LRP1B: variants seen among roughly 807,000 people sequenced by gnomAD.
LRP1B encodes low-density lipoprotein receptor-related protein 1B.
Under a neutral mutation model 556.6 loss-of-function variants are expected in LRP1B, and 217 were observed. The ratio of observed to expected loss-of-function variants is 0.39; its 90% CI spans 0.35 to 0.44. The LOEUF is 0.44. Ranked by LOEUF, LRP1B falls within the 20% of genes least tolerant of loss-of-function variation. The probability of loss-of-function intolerance (pLI) is 1.00; values close to 1 mark genes in which losing one functional copy is unlikely to be tolerated. For synonymous variants in LRP1B, 2,047 were observed against 1,865.8 expected (o/e 1.10, Z -2.50); for missense variants, 5,053 against 5,620.8 (o/e 0.90, Z 3.23).
At chr2:140,834,573 C>T (rs1370607392) in intron 31 of LRP1B, among the ~76,000 whole-genome samples, 1 of 152,140 alleles carries the variant, frequency 6.6e-6, no homozygotes, top group Non-Finnish European at 1.5e-5. Context: ...TTGCTCTTTC[C>T]TCTCTTAGAT....
chr2:140,572,993 G>T (rs2105111369), intron 43 of LRP1B, among the ~76,000 whole-genome samples: 1 of 151,780 alleles, frequency 6.6e-6, no homozygotes, highest in Non-Finnish European at 1.5e-5. Flanking sequence ...GGTTACTAGA[G>T]GGTGGCAGAA....
chr2:141,790,796 C>T (rs1010121976), intron 2 of LRP1B, among the ~76,000 whole-genome samples: 15 of 151,674 alleles, frequency 9.9e-5, no homozygotes, highest in Admixed American at 6.6e-4. Context: ...TACAAATAGA[C>T]GTTAAAGTTA....
intron 1 of LRP1B, among the ~76,000 whole-genome samples, chr2:141,998,043 T>G (rs1702548810): frequency 6.6e-6 from 1 of 152,144 alleles, no homozygotes; most frequent in South Asian, 2.1e-4. Context: ...GGGTGCAGTT[T>G]AAACATATAG....
chr2:140,713,650 T>C (rs1041214456), intron 37 of LRP1B, among the ~76,000 whole-genome samples: 7 of 152,046 alleles, frequency 4.6e-5, no homozygotes, highest in African/African-American at 7.2e-5. Context: ...TAAAAATATA[T>C]AGGGAGTCCT....
chr2:141,504,731 C>A (rs1234239405), intron 2 of LRP1B, among the ~76,000 whole-genome samples: 1 of 152,056 alleles, frequency 6.6e-6, no homozygotes, highest in Non-Finnish European at 1.5e-5. Flanking sequence ...ATGTCTTAAA[C>A]CTGTGTAAGG....
chr2:140,490,315 G>C (rs1688646445), intron 57 of LRP1B, among the ~76,000 whole-genome samples: 1 of 152,092 alleles, frequency 6.6e-6, no homozygotes, highest in South Asian at 2.1e-4. Flanking sequence ...CTGAAGTACA[G>C]TTTCTAAATA....
chr2:142,065,944 G>A (rs564568357), intron 1 of LRP1B, among the ~76,000 whole-genome samples: 1 of 151,320 alleles, frequency 6.6e-6, no homozygotes, highest in South Asian at 2.1e-4. Context: ...CTCTCCATCT[G>A]TGGGTTCATG....
At chr2:141,101,765 C>T (rs1307371968) in intron 7 of LRP1B, among the ~76,000 whole-genome samples, 1 of 151,980 alleles carries the variant, frequency 6.6e-6, no homozygotes, top group Admixed American at 6.6e-5. Flanking sequence ...TTCTGTAAAC[C>T]CACGGCATTA....
chr2:140,760,594 C>T (rs1301372795), intron 35 of LRP1B, among the ~76,000 whole-genome samples: 2 of 152,180 alleles, frequency 1.3e-5, no homozygotes, highest in African/African-American at 4.8e-5. Context: ...TGCTGTGAAA[C>T]ACCCATCCTG....
intron 1 of LRP1B, among the ~76,000 whole-genome samples, chr2:141,974,942 C>T (rs753996062): frequency 1.2e-4 from 18 of 152,074 alleles, no homozygotes; most frequent in Admixed American, 5.9e-4. Flanking sequence ...TTTATACATG[C>T]CCACTAGTGA....
intron 3 of LRP1B, among the ~76,000 whole-genome samples, chr2:141,384,764 G>T (rs1177671564): frequency 1.3e-5 from 2 of 152,128 alleles, no homozygotes; most frequent in African/African-American, 4.8e-5. Context: ...GACTGTTAAA[G>T]ATCTTAAGCA....
chr2:141,528,559 C>T (rs1207677949), intron 2 of LRP1B, among the ~76,000 whole-genome samples: 1 of 152,046 alleles, frequency 6.6e-6, no homozygotes, highest in Non-Finnish European at 1.5e-5. Context: ...AAGATATAAA[C>T]ATGCATATGA....
In LRP1B at chr2:141,115,458, G is replaced by GTTTTTT. The variant is rs70991138; in HGVS notation, c.1014-53191_1014-53186dup. ...GCAAAATGAATAGGTTTTTGTTTTT[G>GTTTTTT]TTTTTTTTTTTTTTTTGAGATGGAT... On this transcript the variant is annotated intron_variant, in intron 7 of 90. Coordinates refer to ENST00000389484, the MANE Select transcript of LRP1B (RefSeq NM_018557.3). Among the ~76,000 whole-genome samples, 36 of 120,394 alleles carry GTTTTTT rather than the reference G, an allele frequency of 3.0e-4. 1 individual carries two copies. The highest frequency in any genetic ancestry group is 5.4e-3 in the Middle Eastern group (1 of 186). The allele number at this position is 120,394 out of a possible 152,430, so 79.0% of individuals were successfully genotyped here.
chr2:141,727,147 G>A (rs1451043808), intron 2 of LRP1B, among the ~76,000 whole-genome samples: 2 of 152,026 alleles, frequency 1.3e-5, no homozygotes, highest in Non-Finnish European at 2.9e-5. Flanking sequence ...GAGATCTTGA[G>A]GGGAAAAAAT....
chr2:141,538,982 T>G (rs116107767), intron 2 of LRP1B, among the ~76,000 whole-genome samples: 1 of 152,312 alleles, frequency 6.6e-6, no homozygotes, highest in African/African-American at 2.4e-5. Context: ...AAATAAGATT[T>G]CAGTGTGCAC....
At chr2:140,645,415 T>C (rs1684442847) in intron 41 of LRP1B, among the ~76,000 whole-genome samples, 1 of 152,092 alleles carries the variant, frequency 6.6e-6, no homozygotes, top group Admixed American at 6.6e-5. Flanking sequence ...TATTAACTTC[T>C]TGTCTGTTCA....
At chr2:140,291,318 A>ATATATT (rs369391920) in intron 84 of LRP1B, among the ~76,000 whole-genome samples, 3 of 109,330 alleles carry the variant, frequency 2.7e-5, no homozygotes, top group South Asian at 3.2e-4. Flanking sequence ...ATATATATAT[A>ATATATT]TTTTTATTAT....
chr2:140,635,306 T>C (rs946592678), intron 41 of LRP1B, among the ~76,000 whole-genome samples: 1 of 152,070 alleles, frequency 6.6e-6, no homozygotes, highest in African/African-American at 2.4e-5. Flanking sequence ...ACACACAAGA[T>C]GCATGTTTTT....
At chr2:141,541,442 A>C (rs1685256914) in intron 2 of LRP1B, among the ~76,000 whole-genome samples, 1 of 152,088 alleles carries the variant, frequency 6.6e-6, no homozygotes, top group African/African-American at 2.4e-5. Flanking sequence ...TAAACTCTTC[A>C]TATTCATAGT....
Sources: allele counts gnomAD v4.1 joint callset (sites outside exome capture counted in the v4.1 genomes callset), GRCh38; gene constraint gnomAD v4.1.1; transcripts MANE v1.5; gene names NCBI Gene and HGNC (gene_info 2026-07-23, HGNC 2026-07-21).